The following MARCO variants were observed in gnomAD, a reference collection of about 807,000 sequenced individuals.
MARCO encodes macrophage receptor MARCO.
MARCO carries 72 observed loss-of-function variants against 70.0 expected under a neutral mutation model. The observed-to-expected ratio is 1.03, with a 90% CI of 0.85 to 1.25. The LOEUF is 1.25. MARCO is among the 50% of genes most tolerant of loss of function. MARCO has a pLI of 0.00. For missense variants in MARCO, 696 were observed against 659.3 expected, an observed-to-expected ratio of 1.06 and a Z score of -0.61; for synonymous variants, 273 against 243.1, an observed-to-expected ratio of 1.12 and a Z score of -1.14.
In MARCO at chr2:118,974,546, G is replaced by A. The variant is rs562092004; in HGVS notation, c.594G>A (p.Pro198=). ...ATGPSGPQGP[P]GVKGEAGLQG... The stretch of plus-strand genomic sequence containing the variant: ...GCCCCTCGGGACCCCAAGGCCCACC[G>A]GGAGTCAAGGGAGAGGCGGGTGAGT... Residue 198 remains proline (P), a synonymous_variant, in exon 6 of 17, where the codon CCG becomes CCA. Coordinates refer to ENST00000327097, the MANE Select transcript of MARCO (RefSeq NM_006770.4). 108 of 1,613,748 alleles carry A rather than the reference G, an allele frequency of 6.7e-5. No homozygotes were observed. The East Asian group carries it at 9.4e-4, about 14-fold the overall frequency.
Position 118,986,715 on chromosome 2 carries a change from AAGAAAGAAAAGAAAGAAAGAAAGAG to A in MARCO, c.1064-3872_1064-3848del, listed in dbSNP as rs1680519673. 2.5e-5 allele frequency among the ~76,000 whole-genome samples: 3 copies of A among 119,150 alleles called. 1 individual carries two copies. Among genetic ancestry groups the A allele is most frequent in the African/African-American group, 8.2e-5 (2 of 24,316 alleles). The allele number at this position is 119,150 out of a possible 152,430, so 78.2% of individuals were successfully genotyped here. A position where few individuals can be genotyped will look rare whatever the true frequency, so the allele number is the denominator to read the frequency against. On this transcript the variant is annotated intron_variant, in intron 12 of 16. Transcript: ENST00000327097. Reference sequence around the variant, plus strand: ...AAAGAAAGAAAGAAAGAAAGAAAGAAAGAAAGAAAAGAAAGAAAGAAAGAGAAAGAAAGAGAAAGAAAGAAGAAAG... The same window carrying A: ...AAAGAAAGAAAGAAAGAAAGAAAGAAAAAGAAAGAGAAAGAAAGAAGAAAG...
At chr2:118,946,499 C>A (rs1679603804) in intron 1 of MARCO, among the ~76,000 whole-genome samples, 2 of 152,088 alleles carry the variant, frequency 1.3e-5, no homozygotes, top group Non-Finnish European at 2.9e-5. Context: ...TTGTATCCAT[C>A]CATAGTTGGC....
At chr2:118,975,444 AG>A (rs1482035791) in intron 6 of MARCO, among the ~76,000 whole-genome samples, 1 of 152,236 alleles carries the variant, frequency 6.6e-6, no homozygotes, top group Non-Finnish European at 1.5e-5. Flanking sequence ...GTTACAAGAA[AG>A]GAAACTTGTT....
intron 15 of MARCO, among the ~76,000 whole-genome samples, 154 bp downstream of exon 15, chr2:118,992,630 G>A (rs1303301667): frequency 1.3e-5 from 2 of 151,820 alleles, no homozygotes; most frequent in Non-Finnish European, 2.9e-5. Flanking sequence ...GCCTGCCCAC[G>A]GCACAGAGCA....
chr2:118,949,979 A>G (rs1213908365), intron 1 of MARCO: 1 of 152,178 alleles, frequency 6.6e-6, no homozygotes, highest in East Asian at 1.9e-4. Context: ...ATTTCTAAGA[A>G]ATTGATCTTT....
At chr2:118,964,688 G>A (rs1295666926) in intron 1 of MARCO, among the ~76,000 whole-genome samples, 1 of 152,008 alleles carries the variant, frequency 6.6e-6, no homozygotes. Context: ...AGGAATTCAA[G>A]ACCAGCCTGG....
At chr2:118,963,438 A>G (rs527500409) in intron 1 of MARCO, among the ~76,000 whole-genome samples, 130 of 151,642 alleles carry the variant, frequency 8.6e-4, no homozygotes, top group African/African-American at 3.1e-3. Context: ...TTATTGTATT[A>G]TTGGCAAATA....
chr2:118,979,654 G>C (rs2104593546), intron 8 of MARCO, among the ~76,000 whole-genome samples: 1 of 152,296 alleles, frequency 6.6e-6, no homozygotes, highest in South Asian at 2.1e-4. Flanking sequence ...ACTCAGGCTT[G>C]GAAACGCTGT....
rs75925705 is a variant in MARCO at position 118,990,267 on chromosome 2, G to C, written c.1064-322G>C. 2.0e-5 allele frequency among the ~76,000 whole-genome samples: 3 copies of C among 152,158 alleles called. No individual in the cohort carries two copies. The South Asian group carries it at 6.2e-4, about 32-fold the overall frequency. On this transcript the variant is annotated intron_variant, in intron 12 of 16. Coordinates refer to ENST00000327097, the MANE Select transcript of MARCO (RefSeq NM_006770.4). ...CTCCCAATTCTCTTCCAATATAAAT[G>C]CAACAGCAGGGAATGGGATTGGATT... is the stretch of plus-strand genomic sequence containing the variant.
chr2:118,980,191 T>C (rs1680362628), intron 8 of MARCO, among the ~76,000 whole-genome samples: 1 of 152,244 alleles, frequency 6.6e-6, no homozygotes, highest in South Asian at 2.1e-4. Context: ...CAGTTCTCAG[T>C]GCCTTCTAAC....
At chr2:118,958,991 A>G (rs933548421) in intron 1 of MARCO, among the ~76,000 whole-genome samples, 2 of 152,232 alleles carry the variant, frequency 1.3e-5, no homozygotes, top group African/African-American at 2.4e-5. Context: ...TCAACTCAAG[A>G]TGGATTAAGG....
At chr2:118,992,385 C>T (rs754374298) in intron 14 of MARCO, 47 bp from the exon 15 acceptor site, 3 of 1,569,180 alleles carry the variant, frequency 1.9e-6, no homozygotes, top group Non-Finnish European at 1.8e-6. Flanking sequence ...GCAAAGGCGT[C>T]CTGCCTGGGT....
Position 118,970,118 on chromosome 2 carries a change from G to A in MARCO, c.204G>A (p.Leu68=). The part of the protein sequence containing the change: ...AGAGLLVVQV[L]NLQARLRVLE... ...ATGCTGTGGGGTGGGGCCCAGTTCT[G>A]AATCTGCAGGCGCGGCTCCGGGTCC... Residue 68 remains leucine (L), a synonymous_variant, in exon 3 of 17, where the codon CTG becomes CTA. Coordinates refer to ENST00000327097, the MANE Select transcript of MARCO (RefSeq NM_006770.4). The A allele has an allele frequency of 6.2e-7, 1 of 1,613,866 alleles. No individual in the cohort carries two copies. Among genetic ancestry groups the A allele is most frequent in the Non-Finnish European group, 8.5e-7 (1 of 1,179,908 alleles).
chr2:118,969,145 T>C lies in MARCO; in HGVS notation c.98-15T>C. 2 of 1,591,494 alleles carry C rather than the reference T, an allele frequency of 1.3e-6. No individual in the cohort carries two copies. Among genetic ancestry groups the C allele is most frequent in the Admixed American group, 1.7e-5 (1 of 60,022 alleles). On this transcript the variant is annotated splice_polypyrimidine_tract_variant and intron_variant, in intron 1 of 16. Transcript: ENST00000327097. ...TTCTCTGCAGCAGCCTCCTTCCTCCTGGCTTGTGTTTCAGTTCCAAAGCCC... is the reference window on the plus strand; with the variant it reads ...TTCTCTGCAGCAGCCTCCTTCCTCCCGGCTTGTGTTTCAGTTCCAAAGCCC...
chr2:118,976,750 G>A lies in MARCO; in HGVS notation c.614-721G>A, dbSNP rs185177069. The stretch of plus-strand genomic sequence containing the variant: ...TTAAGTGACTTTTCCAAAGTTATCA[G>A]CCTGGGGAGTGACAGAGCTACAATT... On this transcript the variant is annotated intron_variant, in intron 6 of 16. Transcript: ENST00000327097. 2.0e-5 allele frequency among the ~76,000 whole-genome samples: 3 copies of A among 152,290 alleles called. No individual in the cohort carries two copies. The East Asian group carries it at 5.8e-4, about 29-fold the overall frequency.
At chr2:118,954,894 C>T (rs948551288) in intron 1 of MARCO, among the ~76,000 whole-genome samples, 40 of 152,040 alleles carry the variant, frequency 2.6e-4, no homozygotes, top group African/African-American at 8.7e-4. Flanking sequence ...GGGAACACCC[C>T]GTGGGACAAA....
chr2:118,946,825 G>A (rs1001119116), intron 1 of MARCO, among the ~76,000 whole-genome samples: 13 of 152,276 alleles, frequency 8.5e-5, no homozygotes, highest in African/African-American at 1.4e-4. Flanking sequence ...GTCAACATTT[G>A]ACATTATCAC....
chr2:118,977,282 A>T (rs528219559), intron 6 of MARCO, among the ~76,000 whole-genome samples, 189 bp from the exon 7 acceptor site: 1 of 147,530 alleles, frequency 6.8e-6, no homozygotes, highest in African/African-American at 2.5e-5. Flanking sequence ...TTGTGCAATC[A>T]TATGTGTGTG....
intron 1 of MARCO, among the ~76,000 whole-genome samples, chr2:118,947,711 C>A (rs1679629634): frequency 6.6e-6 from 1 of 152,180 alleles, no homozygotes; most frequent in African/African-American, 2.4e-5. Context: ...ATCCCTCTAC[C>A]AATACCACAG....
Sources: gnomAD v4.1 joint callset for allele counts (sites outside exome capture counted in the v4.1 genomes callset) on GRCh38, gnomAD v4.1.1 for gene constraint, MANE v1.5 for transcripts, NCBI Gene and HGNC (gene_info 2026-07-23, HGNC 2026-07-21) for gene names.